The following GRIA2 variants were observed in gnomAD, a reference collection of about 807,000 sequenced individuals.
GRIA2 encodes glutamate receptor 2.
GRIA2 carries 14 observed loss-of-function variants against 97.3 expected under a neutral mutation model. The observed-to-expected ratio is 0.14, with a 90% CI of 0.10 to 0.23. The LOEUF (loss-of-function observed/expected upper bound fraction) is 0.23, where lower values mean the gene tolerates loss of function less well. GRIA2 is among the 10% of genes least tolerant of loss of function. GRIA2 has a pLI of 1.00. For synonymous variants in GRIA2, 412 were observed against 387.8 expected, an observed-to-expected ratio of 1.06 and a Z score of -0.73; for missense variants, 558 against 1,069.8, an observed-to-expected ratio of 0.52 and a Z score of 6.67.
chr4:157,236,050 T>C (rs1342356564), intron 2 of GRIA2, among the ~76,000 whole-genome samples: 3 of 151,982 alleles, frequency 2.0e-5, no homozygotes, highest in Non-Finnish European at 4.4e-5. Flanking sequence ...GAATTTCAGG[T>C]AGAAAATCAT....
chr4:157,248,587 ATATATG>A (rs1308169898), intron 2 of GRIA2, among the ~76,000 whole-genome samples: 1 of 109,476 alleles, frequency 9.1e-6, no homozygotes, highest in African/African-American at 3.1e-5. Flanking sequence ...ATATACGTGT[ATATATG>A]TATATATATG....
intron 11 of GRIA2, among the ~76,000 whole-genome samples, chr4:157,338,006 GTGTATA>G (rs1203643393): frequency 1.7e-5 from 1 of 59,862 alleles, no homozygotes; most frequent in African/African-American, 6.4e-5. Context: ...GTATATATAT[GTGTATA>G]TATATATATA....
At chr4:157,293,521 G>A (rs900992775) in intron 2 of GRIA2, among the ~76,000 whole-genome samples, 2 of 152,102 alleles carry the variant, frequency 1.3e-5, no homozygotes, top group Non-Finnish European at 2.9e-5. Context: ...CTAGAACTAT[G>A]GGGCTAGAGG....
rs367618426 is a variant in GRIA2, at chr4:157,319,566, G to T, written c.720+1855G>T. Among the ~76,000 whole-genome samples, 91 of 152,148 alleles carry T rather than the reference G, an allele frequency of 6.0e-4. No individual in the cohort carries two copies. In the East Asian group the frequency reaches 0.011, roughly 18 times the overall value. On this transcript the variant is annotated intron_variant, in intron 5 of 15. Coordinates refer to ENST00000264426, the MANE Select transcript of GRIA2 (RefSeq NM_001083619.3). ...TCTAGTGAATCAATAAGTTCGAAAG[G>T]CTGTATAGTGTTGCAATTTCTGAGA... is the stretch of plus-strand genomic sequence containing the variant.
At chr4:157,308,905 G>T (rs1051344858) in intron 3 of GRIA2, among the ~76,000 whole-genome samples, 2 of 151,972 alleles carry the variant, frequency 1.3e-5, no homozygotes, top group Non-Finnish European at 2.9e-5. Flanking sequence ...TTTAAAAATG[G>T]TATATTGATT....
chr4:157,314,945 A>G (rs553258097), intron 4 of GRIA2, among the ~76,000 whole-genome samples: 1 of 152,334 alleles, frequency 6.6e-6, no homozygotes, highest in Non-Finnish European at 1.5e-5. Context: ...AGAGATAAAA[A>G]TGTACACAAT....
rs957302934 is a variant in GRIA2, at chr4:157,231,169, G to C, written c.229+9362G>C. On this transcript the variant is annotated intron_variant, in intron 2 of 15. Transcript: ENST00000264426. ...TTTTCCTGCGTCAGCCTCCCCAGTA[G>C]CTGGGACTACAGGTGCACACCGCCA... Among the ~76,000 whole-genome samples, 15 of 152,198 alleles carry C rather than the reference G, an allele frequency of 9.9e-5. 1 individual carries two copies. Among genetic ancestry groups the C allele is most frequent in the Admixed American group, 6.5e-4 (10 of 15,292 alleles).
At chr4:157,296,405 T>G (rs1405689400) in intron 2 of GRIA2, among the ~76,000 whole-genome samples, 1 of 152,168 alleles carries the variant, frequency 6.6e-6, no homozygotes, top group Non-Finnish European at 1.5e-5. Flanking sequence ...GATTGTATGT[T>G]CATTTGACAA....
intron 2 of GRIA2, among the ~76,000 whole-genome samples, chr4:157,271,286 C>T (rs535351744): frequency 6.2e-4 from 94 of 152,064 alleles, no homozygotes; most frequent in African/African-American, 2.2e-3. Context: ...GAGATAGCAT[C>T]AGATCCCAGT....
chr4:157,302,176 C>CA (rs1209652829), intron 2 of GRIA2, among the ~76,000 whole-genome samples: 3,046 of 66,682 alleles, frequency 0.046, 76 homozygotes, highest in East Asian at 0.11. Flanking sequence ...GACTGTGTCT[C>CA]AAAAAAAAAA....
At chr4:157,334,344 A>G in intron 9 of GRIA2, 1 of 433,062 alleles carries the variant, frequency 2.3e-6, no homozygotes, top group Non-Finnish European at 4.3e-6. Context: ...TACACAGATA[A>G]TTCCTACCCT....
At chr4:157,351,787 C>T (rs932155084) in intron 12 of GRIA2, among the ~76,000 whole-genome samples, 1 of 152,144 alleles carries the variant, frequency 6.6e-6, no homozygotes, top group Admixed American at 6.5e-5. Context: ...GGCTCTTACC[C>T]TTTGCTCCAT....
At chr4:157,314,216 T>C (rs1229240817) in intron 4 of GRIA2, among the ~76,000 whole-genome samples, 1 of 152,182 alleles carries the variant, frequency 6.6e-6, no homozygotes. Context: ...AAATACACAC[T>C]TGTGTATGCA....
At chr4:157,257,488 A>G (rs1356817896) in intron 2 of GRIA2, among the ~76,000 whole-genome samples, 2 of 152,120 alleles carry the variant, frequency 1.3e-5, no homozygotes, top group Non-Finnish European at 2.9e-5. Context: ...ATAATAGATG[A>G]TTGCATTGTC....
intron 2 of GRIA2, among the ~76,000 whole-genome samples, chr4:157,299,494 A>G (rs1733517266): frequency 6.6e-6 from 1 of 152,188 alleles, no homozygotes; most frequent in Non-Finnish European, 1.5e-5. Context: ...AACAAAAAAA[A>G]CATACTCAGT....
chr4:157,295,607 C>T (rs1183944688), intron 2 of GRIA2, among the ~76,000 whole-genome samples: 1 of 151,964 alleles, frequency 6.6e-6, no homozygotes, highest in African/African-American at 2.4e-5. Flanking sequence ...ACTGCCAGGT[C>T]CAGAATGGGA....
intron 2 of GRIA2, among the ~76,000 whole-genome samples, chr4:157,224,806 A>G (rs935672012): frequency 2.6e-5 from 4 of 152,096 alleles, no homozygotes; most frequent in Admixed American, 2.6e-4. Flanking sequence ...AGTGGAAGCA[A>G]CAGCATTAAA....
chr4:157,346,994 C>T (rs1272955637), intron 12 of GRIA2, among the ~76,000 whole-genome samples: 1 of 152,066 alleles, frequency 6.6e-6, no homozygotes, highest in Non-Finnish European at 1.5e-5. Context: ...CCTAAGTTGC[C>T]TTCAGTAGAA....
intron 2 of GRIA2, among the ~76,000 whole-genome samples, chr4:157,265,430 T>G (rs1311244005): frequency 6.6e-6 from 1 of 152,140 alleles, no homozygotes; most frequent in Non-Finnish European, 1.5e-5. Context: ...TTGCAGGCTG[T>G]AAGCTGGAAG....
Sources: allele counts gnomAD v4.1 joint callset (sites outside exome capture counted in the v4.1 genomes callset), GRCh38; gene constraint gnomAD v4.1.1; transcripts MANE v1.5; gene names NCBI Gene and HGNC (gene_info 2026-07-23, HGNC 2026-07-21).